B4GALT6: variants seen among roughly 807,000 people sequenced by gnomAD.
B4GALT6 encodes the protein UDP-Gal:beta-GlcNAc beta-1,4-galactosyltransferase 6.
A neutral mutation model predicts 46.3 loss-of-function variants in B4GALT6; 14 were observed. The ratio of observed to expected loss-of-function variants is 0.30; its 90% CI spans 0.20 to 0.47. The LOEUF (loss-of-function observed/expected upper bound fraction) is 0.47, where lower values mean the gene tolerates loss of function less well. Ranked by LOEUF, B4GALT6 falls within the 20% of genes least tolerant of loss-of-function variation. The probability of loss-of-function intolerance (pLI) is 0.99; values close to 1 mark genes in which losing one functional copy is unlikely to be tolerated. For missense variants in B4GALT6, 386 were observed against 480.1 expected (o/e 0.80, Z 1.83); for synonymous variants, 168 against 162.0 (o/e 1.04, Z -0.28).
intron 1 of B4GALT6, 23 bp downstream of exon 1, chr18:31,684,289 C>T (rs372732035): frequency 7.4e-6 from 12 of 1,612,136 alleles, no homozygotes; most frequent in South Asian, 1.1e-5. Flanking sequence ...CCAGGGGAAG[C>T]GAGGGTGTGT....
chr18:31,709,599 GTGTGTATA>G, the B4GALT6 span, among the ~76,000 whole-genome samples: 24 of 80,662 alleles, frequency 3.0e-4, no homozygotes, highest in African/African-American at 7.5e-4. Flanking sequence ...GTGTGTGTGT[GTGTGTATA>G]TATATATCCT....
intron 3 of B4GALT6, among the ~76,000 whole-genome samples, chr18:31,653,634 G>A (rs1331161685): frequency 1.3e-5 from 2 of 151,666 alleles, no homozygotes; most frequent in Non-Finnish European, 2.9e-5. Context: ...TTTTGGTAGA[G>A]ACAGGTTTCA....
At chr18:31,700,466 T>TAA in the B4GALT6 span, among the ~76,000 whole-genome samples, 1 of 133,248 alleles carries the variant, frequency 7.5e-6, no homozygotes, top group African/African-American at 2.8e-5. Context: ...TGTGTGTGTG[T>TAA]GTGAGAGAGA....
intron 3 of B4GALT6, among the ~76,000 whole-genome samples, chr18:31,657,727 T>C (rs547260987): frequency 2.6e-5 from 4 of 152,330 alleles, no homozygotes; most frequent in African/African-American, 9.6e-5. Flanking sequence ...TTAAAACTGG[T>C]TGGGAACAAT....
chr18:31,679,414 T>G (rs1278996997), intron 1 of B4GALT6, among the ~76,000 whole-genome samples: 1 of 152,232 alleles, frequency 6.6e-6, no homozygotes, highest in Non-Finnish European at 1.5e-5. Context: ...CTCTAACTCA[T>G]CTCTCATCTC....
intron 1 of B4GALT6, among the ~76,000 whole-genome samples, chr18:31,668,432 A>T (rs190567369): frequency 1.3e-5 from 2 of 152,322 alleles, no homozygotes; most frequent in East Asian, 3.9e-4. Flanking sequence ...CATGTAACAA[A>T]GTTGCACATG....
rs372354585 is a variant in B4GALT6, at chr18:31,668,326, C to A, written c.116-1954G>T. Among the ~76,000 whole-genome samples, 26 of 152,166 alleles carry A rather than the reference C, an allele frequency of 1.7e-4. No homozygotes were observed. The South Asian group carries it at 5.4e-3, about 32-fold the overall frequency. ...ACTACTACAAGAGGGAGGGACAAAGCGGGGCAGAAGTTTAAAACTACCTAT... is the reference window on the plus strand; with the variant it reads ...ACTACTACAAGAGGGAGGGACAAAGAGGGGCAGAAGTTTAAAACTACCTAT... On this transcript the variant is annotated intron_variant, in intron 1 of 8. Coordinates refer to ENST00000306851, the MANE Select transcript of B4GALT6 (RefSeq NM_004775.5).
intron 6 of B4GALT6, 125 bp downstream of exon 6, chr18:31,630,834 G>A: frequency 9.5e-7 from 1 of 1,050,782 alleles, no homozygotes; most frequent in Non-Finnish European, 1.4e-6. Flanking sequence ...ACACGATGGA[G>A]TTAAAGATGA....
At chr18:31,640,663 A>G (rs543039261) in intron 4 of B4GALT6, among the ~76,000 whole-genome samples, 11 of 152,304 alleles carry the variant, frequency 7.2e-5, no homozygotes, top group African/African-American at 2.6e-4. Context: ...TGGTTTCCCC[A>G]TAACGTCTCT....
rs549667383 is a variant in B4GALT6, at chr18:31,627,043, A to G, written c.855T>C (p.Asn285=). Residue 285 remains asparagine (N), a synonymous_variant, in exon 7 of 9, where the codon AAT becomes AAC. Coordinates refer to ENST00000306851, the MANE Select transcript of B4GALT6 (RefSeq NM_004775.5). ...EQFRKINGFP[N]AFWGWGGEDD... is the part of the protein sequence containing the mutation. ...CTTCTCCTCCCCATCCCCAGAAGGCATTAGGAAAACCATTGATCTTTCTAA... is the reference window on the plus strand; with the variant it reads ...CTTCTCCTCCCCATCCCCAGAAGGCGTTAGGAAAACCATTGATCTTTCTAA... 18 of 1,611,920 alleles carry G rather than the reference A, an allele frequency of 1.1e-5. 1 individual carries two copies. In the East Asian group the frequency reaches 3.8e-4, roughly 34 times the overall value.
At chr18:31,721,187 G>A in the B4GALT6 span, among the ~76,000 whole-genome samples, 55 of 152,084 alleles carry the variant, frequency 3.6e-4, no homozygotes, top group Non-Finnish European at 1.0e-4. Context: ...GGCCTGTCGG[G>A]GGGTGGGGGG....
chr18:31,684,542 C>T lies in B4GALT6; in HGVS notation c.-116G>A. 6.8e-7 allele frequency: 1 copy of T among 1,481,228 alleles called. No homozygotes were observed. The highest frequency in any genetic ancestry group is 1.3e-5 in the South Asian group (1 of 78,884). 91.8% of individuals were successfully genotyped at this position (1,481,228 alleles called of 1,614,324 possible). ...AACCCCGAGACTGCAGCGGGGTCCG[C>T]GCGGGGAGGCTCTGGGGAGAGGGCC... On this transcript the variant is annotated 5_prime_UTR_variant, in exon 1 of 9. Coordinates refer to ENST00000306851, the MANE Select transcript of B4GALT6 (RefSeq NM_004775.5).
intron 4 of B4GALT6, 134 bp downstream of exon 4, chr18:31,645,221 A>T: frequency 4.0e-6 from 5 of 1,238,246 alleles, no homozygotes; most frequent in Non-Finnish European, 5.6e-6. Context: ...AATAGTAAAC[A>T]TTAAAGACAA....
At chr18:31,672,966 C>T (rs939550417) in intron 1 of B4GALT6, among the ~76,000 whole-genome samples, 5 of 151,972 alleles carry the variant, frequency 3.3e-5, no homozygotes, top group Non-Finnish European at 7.4e-5. Context: ...TGGATACTGA[C>T]AAAGTGAAAG....
the B4GALT6 span, among the ~76,000 whole-genome samples, chr18:31,707,481 A>C: frequency 6.6e-6 from 1 of 152,122 alleles, no homozygotes; most frequent in Admixed American, 6.5e-5. Context: ...GTGGGCAGTG[A>C]ATTTTGTTTT....
chr18:31,644,911 G>A (rs1454460984), intron 4 of B4GALT6, among the ~76,000 whole-genome samples: 3 of 152,132 alleles, frequency 2.0e-5, no homozygotes, highest in African/African-American at 7.2e-5. Flanking sequence ...AGACCCCAAT[G>A]CCAGAACAAA....
rs185538165 is a variant in B4GALT6 at position 31,649,423 on chromosome 18, C to G, written c.347-3944G>C. 2.4e-3 allele frequency among the ~76,000 whole-genome samples: 367 copies of G among 152,236 alleles called. 1 individual carries two copies. Among genetic ancestry groups the G allele is most frequent in the Non-Finnish European group, 4.0e-3 (271 of 68,016 alleles). On this transcript the variant is annotated intron_variant, in intron 3 of 8. Transcript: ENST00000306851. ...CCTGTCTCATCCCTGCTTCCACCTA[C>G]CTGCATTTCTACTCCCTGGCTCCAT...
chr18:31,712,966 A>C, the B4GALT6 span, among the ~76,000 whole-genome samples: 1 of 152,144 alleles, frequency 6.6e-6, no homozygotes, highest in Non-Finnish European at 1.5e-5. Context: ...GCAGCAGTTT[A>C]TTTTTGATGT....
chr18:31,656,375 A>G (rs745785711), intron 3 of B4GALT6, among the ~76,000 whole-genome samples: 16 of 152,186 alleles, frequency 1.1e-4, no homozygotes, highest in Non-Finnish European at 1.9e-4. Context: ...ACCTATATGT[A>G]CAAAGTAGGC....
Sources: gnomAD v4.1 joint callset for allele counts (sites outside exome capture counted in the v4.1 genomes callset) on GRCh38, gnomAD v4.1.1 for gene constraint, MANE v1.5 for transcripts, NCBI Gene and HGNC (gene_info 2026-07-23, HGNC 2026-07-21) for gene names.